Variants in STK31 observed in about 807,000 individuals in gnomAD.
STK31 encodes the protein serine/threonine-protein kinase 31.
A neutral mutation model predicts 129.7 loss-of-function variants in STK31; 89 were observed. That is an observed-to-expected ratio of 0.69 (90% CI 0.58 to 0.82). STK31 has a LOEUF of 0.82. Among genes scored for constraint, STK31 ranks in the 40% least tolerant of loss-of-function variants. The pLI, the probability that STK31 is intolerant of heterozygous loss-of-function variation, is 0.00. For synonymous variants in STK31, 448 were observed against 395.3 expected, an observed-to-expected ratio of 1.13 and a Z score of -1.58; for missense variants, 1,187 against 1,176.4, an observed-to-expected ratio of 1.01 and a Z score of -0.13.
intron 6 of STK31, among the ~76,000 whole-genome samples, chr7:23,730,038 T>TAA (rs1196299949): frequency 2.0e-5 from 3 of 152,194 alleles, no homozygotes; most frequent in Non-Finnish European, 4.4e-5. Flanking sequence ...GGATTCTAGT[T>TAA]TATATTACTT....
intron 15 of STK31, among the ~76,000 whole-genome samples, chr7:23,774,891 A>G (rs192226763): frequency 1.2e-4 from 18 of 152,286 alleles, no homozygotes; most frequent in Non-Finnish European, 2.4e-4. Flanking sequence ...GTTTTCTTCT[A>G]GAGTTGTTAT....
chr7:23,735,475 A>G, intron 6 of STK31, 63 bp from the exon 7 acceptor site: 1 of 1,397,220 alleles, frequency 7.2e-7, no homozygotes, highest in East Asian at 2.3e-5. Context: ...AAAAATGGGT[A>G]GGAACAAAAT....
chr7:23,721,635 T>C (rs1584325748), intron 4 of STK31: 1 of 865,784 alleles, frequency 1.2e-6, no homozygotes, highest in Non-Finnish European at 2.0e-6. Context: ...CGAATGTAAA[T>C]ACAAGCCAAG....
At chr7:23,821,096 G>A (rs777694884) in intron 23 of STK31, among the ~76,000 whole-genome samples, 1 of 152,122 alleles carries the variant, frequency 6.6e-6, no homozygotes, top group African/African-American at 2.4e-5. Context: ...ATTGTGAATA[G>A]TGCTGCAATA....
chr7:23,779,802 C>T (rs933364950), intron 15 of STK31, among the ~76,000 whole-genome samples: 1 of 152,196 alleles, frequency 6.6e-6, no homozygotes, highest in South Asian at 2.1e-4. Context: ...CTGAGCAGGA[C>T]CACTTGGCTC....
chr7:23,770,458 G>T (rs913664471), intron 13 of STK31, among the ~76,000 whole-genome samples: 1 of 152,104 alleles, frequency 6.6e-6, no homozygotes, highest in Non-Finnish European at 1.5e-5. Context: ...AGTAGTAGTT[G>T]TTAACAGGTG....
At chr7:23,749,530 T>G (rs11972814) in intron 8 of STK31, among the ~76,000 whole-genome samples, 35,923 of 146,928 alleles carry the variant, frequency 0.24, 4,766 homozygotes, top group East Asian at 0.38. Context: ...TTTTTTTTTT[T>G]TGGGGGTAGA....
At position 23,782,783 on chromosome 7, in the gene STK31, T is replaced by A. The variant is rs181796318; in HGVS notation, c.2068-800T>A. On this transcript the variant is annotated intron_variant, in intron 16 of 23. Coordinates refer to ENST00000355870, the MANE Select transcript of STK31 (RefSeq NM_031414.5). Reference sequence around the variant, plus strand: ...ATTTTTCTTAACGAAACAGCTGTTATTTTAAAATGTCACTGTGTTCTTAAT... The same window carrying A: ...ATTTTTCTTAACGAAACAGCTGTTAATTTAAAATGTCACTGTGTTCTTAAT... Among the ~76,000 whole-genome samples the A allele has an allele frequency of 3.7e-4, 57 of 152,332 alleles. No homozygotes were observed. The South Asian group carries it at 5.2e-3, about 14-fold the overall frequency.
At chr7:23,730,880 T>A (rs7805243) in intron 6 of STK31, among the ~76,000 whole-genome samples, 4,574 of 39,402 alleles carry the variant, frequency 0.12, 169 homozygotes, top group African/African-American at 0.24. Flanking sequence ...ATATATATAT[T>A]TTTTTTTTTT....
At chr7:23,742,723 C>T (rs980179043) in intron 8 of STK31, among the ~76,000 whole-genome samples, 1 of 152,292 alleles carries the variant, frequency 6.6e-6, no homozygotes, top group South Asian at 2.1e-4. Flanking sequence ...GGCTTTCTCT[C>T]TCTTCTCTGG....
intron 10 of STK31, 25 bp downstream of exon 10, chr7:23,754,499 G>A (rs1562574412): frequency 6.3e-7 from 1 of 1,596,350 alleles, no homozygotes. Context: ...TTTCTCTATT[G>A]TGGTTTTTAT....
At chr7:23,790,525 A>G (rs1290278912) in intron 21 of STK31, among the ~76,000 whole-genome samples, 1 of 152,130 alleles carries the variant, frequency 6.6e-6, no homozygotes, top group Non-Finnish European at 1.5e-5. Flanking sequence ...ACTGCTGCTC[A>G]CTCTTGTGAA....
intron 3 of STK31, among the ~76,000 whole-genome samples, chr7:23,715,617 G>A (rs1200168272): frequency 6.6e-6 from 1 of 151,944 alleles, no homozygotes; most frequent in African/African-American, 2.4e-5. Flanking sequence ...ATTTGTTTTA[G>A]TCTGTATAGT....
At chr7:23,720,558 G>C (rs1013985958) in intron 4 of STK31, among the ~76,000 whole-genome samples, 1 of 152,056 alleles carries the variant, frequency 6.6e-6, no homozygotes, top group African/African-American at 2.4e-5. Flanking sequence ...ATGCTAGAGA[G>C]TTAAGATAAC....
chr7:23,825,036 C>G (rs1006925149), intron 23 of STK31, among the ~76,000 whole-genome samples: 1 of 152,070 alleles, frequency 6.6e-6, no homozygotes, highest in African/African-American at 2.4e-5. Context: ...CAATGTTCAT[C>G]AAGAATATTG....
chr7:23,731,822 C>T (rs1483336179), intron 6 of STK31, among the ~76,000 whole-genome samples: 1 of 152,104 alleles, frequency 6.6e-6, no homozygotes, highest in African/African-American at 2.4e-5. Context: ...ATTTAAAGGC[C>T]TTTTAGCTTG....
chr7:23,727,232 T>G lies in STK31; in HGVS notation c.250-9T>G. 6.2e-7 allele frequency: 1 copy of G among 1,613,164 alleles called. No homozygotes were observed. Among genetic ancestry groups the G allele is most frequent in the Non-Finnish European group, 8.5e-7 (1 of 1,179,408 alleles). ...TGCCAAGTAATTTTGCTTTCTTTTCTCTTTGTAGATTTATGGTGGATTATT... is the reference window on the plus strand; with the variant it reads ...TGCCAAGTAATTTTGCTTTCTTTTCGCTTTGTAGATTTATGGTGGATTATT... On this transcript the variant is annotated splice_polypyrimidine_tract_variant and intron_variant, in intron 4 of 23. Coordinates refer to ENST00000355870, the MANE Select transcript of STK31 (RefSeq NM_031414.5).
At chr7:23,742,746 T>C (rs1316206491) in intron 8 of STK31, among the ~76,000 whole-genome samples, 2 of 152,158 alleles carry the variant, frequency 1.3e-5, no homozygotes, top group African/African-American at 4.8e-5. Flanking sequence ...AATCCAAATA[T>C]TCATTCTTAG....
Position 23,812,149 on chromosome 7 carries a change from G to A in STK31, c.2761-2995G>A, listed in dbSNP as rs144726616. Among the ~76,000 whole-genome samples the A allele has an allele frequency of 6.5e-4, 99 of 151,940 alleles. 1 individual carries two copies. The East Asian group carries it at 0.018, about 28-fold the overall frequency. ...TTGTGTCTAGTGACAAATTCCTTTC[G>A]TTTTCCCTTATTTGAGAACATCTTG... On this transcript the variant is annotated intron_variant, in intron 22 of 23. Coordinates refer to ENST00000355870, the MANE Select transcript of STK31 (RefSeq NM_031414.5).
Sources: gnomAD v4.1 joint callset for allele counts (sites outside exome capture counted in the v4.1 genomes callset) on GRCh38, gnomAD v4.1.1 for gene constraint, MANE v1.5 for transcripts, NCBI Gene and HGNC (gene_info 2026-07-23, HGNC 2026-07-21) for gene names.